Variants in NTF4 observed in about 807,000 individuals in gnomAD.
The protein encoded by NTF4 is neurotrophin-4.
Under a neutral mutation model 4.4 loss-of-function variants are expected in NTF4, and 2 were observed. The observed-to-expected ratio is 0.46, with a 90% CI of 0.19 to 1.44. The LOEUF (loss-of-function observed/expected upper bound fraction) is 1.44, where lower values mean the gene tolerates loss of function less well. Among genes scored for constraint, NTF4 ranks in the 40% most tolerant of loss-of-function variants. The probability of loss-of-function intolerance (pLI) is 0.26; values close to 1 mark genes in which losing one functional copy is unlikely to be tolerated. For missense variants in NTF4, 260 were observed against 293.0 expected, an observed-to-expected ratio of 0.89 and a Z score of 0.82; for synonymous variants, 127 against 122.0, an observed-to-expected ratio of 1.04 and a Z score of -0.27.
At position 49,061,992 on chromosome 19, in the gene NTF4, G is replaced by A. The variant is rs746910925; in HGVS notation, c.6C>T (p.Leu2=). 2 of 1,467,330 alleles carry A rather than the reference G, an allele frequency of 1.4e-6. No homozygotes were observed. Among genetic ancestry groups the A allele is most frequent in the African/African-American group, 1.4e-5 (1 of 70,816 alleles). The allele number at this position is 1,467,330 out of a possible 1,614,324, so 90.9% of individuals were successfully genotyped here. A position where few individuals can be genotyped will look rare whatever the true frequency, so the allele number is the denominator to read the frequency against. The stretch of plus-strand genomic sequence containing the variant: ...TGGGGAGGGAGCATGAGGGGAGAGG[G>A]AGCATCTCTCGGAGCACCTGGAGAC... Residue 2 remains leucine, a synonymous_variant, in exon 1 of 1, where the codon CTC becomes CTT. Transcript: ENST00000593537. This position sits in a 1 kb window ranked among gnomAD's most constrained non-coding sequence, Gnocchi z 4.9.
chr19:49,058,732 G>C (rs1199695095), downstream of NTF4: 2 of 187,816 alleles, frequency 1.1e-5, no homozygotes, highest in African/African-American at 4.7e-5. Flanking sequence ...AAGACCACGG[G>C]GGGCCACAGC....
rs1206741094 is a variant in NTF4 at position 49,061,652 on chromosome 19, G to A, written c.346C>T (p.Arg116Cys). The change falls in exon 1 of 1, where the codon CGC becomes TGC. Residue 116 changes from arginine (R) to cysteine (C), a missense_variant. By Grantham distance (180) the Arg-to-Cys change is radical. Transcript: ENST00000593537. This position sits in a 1 kb window ranked among gnomAD's most constrained non-coding sequence, Gnocchi z 4.9. ...ACCTCGCCCAACACCTCCACCTCGC[G>A]CCCACGCAAGTCCACAGCGGTCCGG... 16 of 1,613,608 alleles carry A rather than the reference G, an allele frequency of 9.9e-6. No homozygotes were observed. Among genetic ancestry groups the A allele is most frequent in the East Asian group, 4.5e-5 (2 of 44,884 alleles).
At chr19:49,059,501 C>G (rs1049750517), downstream of NTF4, among the ~76,000 whole-genome samples, 1 of 152,132 alleles carries the variant, frequency 6.6e-6, no homozygotes, top group African/African-American at 2.4e-5. Context: ...AAGTTAGAGA[C>G]AGAGATGAAG....
At position 49,061,210 on chromosome 19, in the gene NTF4, T is replaced by A; in HGVS notation, c.*155A>T. 1.4e-6 allele frequency: 2 copies of A among 1,455,390 alleles called. No individual in the cohort carries two copies. The highest frequency in any genetic ancestry group is 1.8e-6 in the Non-Finnish European group (2 of 1,087,728). The allele number at this position is 1,455,390 out of a possible 1,614,324, so 90.2% of individuals were successfully genotyped here. On this transcript the variant is annotated 3_prime_UTR_variant, in exon 1 of 1. Transcript: ENST00000593537. This position sits in a 1 kb window ranked among gnomAD's most constrained non-coding sequence, Gnocchi z 4.9. ...CTCCTATTCAACCTCCAAAACCCCA[T>A]GTGGTTTCACCCATCCTGCAGAGAT...
At chr19:49,062,437 G>A (rs1469354178), upstream of NTF4, among the ~76,000 whole-genome samples, 7 of 152,182 alleles carry the variant, frequency 4.6e-5, no homozygotes, top group Non-Finnish European at 1.0e-4. Context: ...GCAGTGAGCA[G>A]AGAGTGCACC....
upstream of NTF4, among the ~76,000 whole-genome samples, chr19:49,062,841 A>G (rs747840054): frequency 1.3e-5 from 2 of 152,170 alleles, no homozygotes; most frequent in African/African-American, 2.4e-5. Flanking sequence ...CTATTACTTA[A>G]CAGTAACAGA....
At chr19:49,064,910 A>T (rs2040198203), upstream of NTF4, 1 of 150,876 alleles carries the variant, frequency 6.6e-6, no homozygotes, top group Admixed American at 6.6e-5. Flanking sequence ...CAGGGCGACC[A>T]GGACGCCGGA....
chr19:49,059,325 G>T (rs549244303), downstream of NTF4, among the ~76,000 whole-genome samples: 1 of 152,258 alleles, frequency 6.6e-6, no homozygotes, highest in South Asian at 2.1e-4. Context: ...AGGCTGGGTG[G>T]GGAAAGAGAA....
At chr19:49,059,391 T>G (rs1358086791), downstream of NTF4, among the ~76,000 whole-genome samples, 1 of 150,514 alleles carries the variant, frequency 6.6e-6, no homozygotes, top group Non-Finnish European at 1.5e-5. Context: ...CTTTGATGAG[T>G]GAGGAATAAA....
At chr19:49,058,638 C>T, downstream of NTF4, 1 of 371,176 alleles carries the variant, frequency 2.7e-6, no homozygotes, top group Non-Finnish European at 4.9e-6. Flanking sequence ...GGGAAGGGTA[C>T]GGGTGGGATA....
At chr19:49,062,072 A>C (rs2040158106), upstream of NTF4, 1 of 1,420,264 alleles carries the variant, frequency 7.0e-7, no homozygotes, top group Admixed American at 2.9e-5. Context: ...TGGGGAAAGA[A>C]GTTGGGAACC....
chr19:49,059,164 C>T (rs1396328636), downstream of NTF4, among the ~76,000 whole-genome samples: 2 of 152,164 alleles, frequency 1.3e-5, no homozygotes. Flanking sequence ...CTCCTGGCTG[C>T]TTCCTCCCTC....
In NTF4 at chr19:49,061,838, C is replaced by T; in HGVS notation, c.160G>A (p.Ala54Thr). 2.6e-6 allele frequency: 4 copies of T among 1,550,604 alleles called. No homozygotes were observed. The South Asian group carries it at 3.6e-5, about 14-fold the overall frequency. ...AGCAGGAAGAGCAGAGGGGGCCCAG[C>T]AGGGGCACCCCTAGACAGGACTACT... The change falls in exon 1 of 1, where the codon GCT becomes ACT. Residue 54 changes from alanine (A) to threonine (T), a missense_variant. Physicochemically the swap from Ala to Thr is moderately conservative, Grantham distance 58. Coordinates refer to ENST00000593537, the Ensembl canonical transcript of NTF4. The surrounding 1 kb of genome is among the most constrained non-coding windows in gnomAD (Gnocchi z 4.9).
chr19:49,058,890 T>A (rs188343143), downstream of NTF4: 1 of 152,848 alleles, frequency 6.5e-6, no homozygotes, highest in East Asian at 1.9e-4. Flanking sequence ...GATGGAGTGA[T>A]TAAGAGACCC....
downstream of NTF4, among the ~76,000 whole-genome samples, chr19:49,059,605 AG>A (rs2040108425): frequency 6.6e-6 from 1 of 152,314 alleles, no homozygotes; most frequent in East Asian, 1.9e-4. Flanking sequence ...TGGTCTGTAT[AG>A]ATGCGGGGAG....
upstream of NTF4, among the ~76,000 whole-genome samples, chr19:49,062,191 TA>T (rs2122227135): frequency 6.6e-6 from 1 of 152,250 alleles, no homozygotes; most frequent in Non-Finnish European, 1.5e-5. Context: ...TAATAATAAA[TA>T]TTCAACTACT....
At chr19:49,058,576 C>G (rs144614738), downstream of NTF4, 7 of 483,104 alleles carry the variant, frequency 1.4e-5, no homozygotes, top group Non-Finnish European at 2.2e-5. Context: ...TCTGGGTCCC[C>G]AGGCCCCGCA....
At position 49,061,476 on chromosome 19, in the gene NTF4, C is replaced by T. The variant is rs1033709780; in HGVS notation, c.522G>A (p.Gln174=). ...CAGCGGTCAATGCCCGCACATAGGACTGCTTGGCCTTGCACTCAGATACCC... is the reference window on the plus strand; with the variant it reads ...CAGCGGTCAATGCCCGCACATAGGATTGCTTGGCCTTGCACTCAGATACCC... The change falls in exon 1 of 1, where the codon CAG becomes CAA. Residue 174 remains glutamine (Q), a synonymous_variant. Coordinates refer to ENST00000593537, the Ensembl canonical transcript of NTF4. The surrounding 1 kb of genome is among the most constrained non-coding windows in gnomAD (Gnocchi z 4.9). The T allele has an allele frequency of 2.4e-5, 39 of 1,614,024 alleles. No individual in the cohort carries two copies. The highest frequency in any genetic ancestry group is 3.1e-5 in the Non-Finnish European group (37 of 1,179,902).
upstream of NTF4, chr19:49,064,797 AGGGG>A (rs1411758960): frequency 1.3e-5 from 2 of 152,196 alleles, no homozygotes; most frequent in Non-Finnish European, 2.9e-5. Flanking sequence ...GAGACCCCTC[AGGGG>A]AAACCGGCTG....
Sources: gnomAD v4.1 joint callset for allele counts (sites outside exome capture counted in the v4.1 genomes callset) on GRCh38, gnomAD v4.1.1 for gene constraint, Gnocchi (gnomAD v3.1) non-coding constraint, MANE v1.5 for transcripts, NCBI Gene and HGNC (gene_info 2026-07-23, HGNC 2026-07-21) for gene names.